LYST: variants seen among roughly 807,000 people sequenced by gnomAD.
LYST encodes the protein lysosomal trafficking regulator.
Under a neutral mutation model 413.6 loss-of-function variants are expected in LYST, and 192 were observed. That is an observed-to-expected ratio of 0.46 (90% CI 0.41 to 0.52). The LOEUF is 0.52. Among genes scored for constraint, LYST ranks in the 20% least tolerant of loss-of-function variants. LYST has a pLI of 0.00. For missense variants in LYST, 3,815 were observed against 4,499.9 expected, an observed-to-expected ratio of 0.85 and a Z score of 4.35; for synonymous variants, 1,525 against 1,567.3, an observed-to-expected ratio of 0.97 and a Z score of 0.64.
intron 44 of LYST, among the ~76,000 whole-genome samples, chr1:235,704,685 T>TC (rs1258815991): frequency 3.9e-5 from 6 of 152,176 alleles, no homozygotes; most frequent in South Asian, 4.1e-4. Context: ...GCAAATATTT[T>TC]CTCCCATTCT....
intron 10 of LYST, 56 bp downstream of exon 10, chr1:235,800,264 T>C: frequency 8.5e-7 from 1 of 1,179,728 alleles, no homozygotes; most frequent in South Asian, 1.2e-5. Flanking sequence ...GCCATTATTA[T>C]CAACTTTTCA....
In LYST at chr1:235,809,593, G is replaced by T; in HGVS notation, c.1225C>A (p.Leu409Ile). ...LLLPELLEGV[L>I]QILICCLQSA... The stretch of plus-strand genomic sequence containing the variant: ...TGAAGACAACAGATCAGAATCTGAA[G>T]AACTCCTTCCAAAAGCTCAGGTAAA... Residue 409 changes from leucine (L) to isoleucine (I), a missense_variant, in exon 5 of 53, where the codon CTT becomes ATT. Physicochemically the swap from Leu to Ile is conservative, Grantham distance 5 (BLOSUM62 2). This residue lies in a region of LYST where 1,648 missense variants were observed against 1,810.3 expected (regional missense o/e 0.91). Coordinates refer to ENST00000389793, the MANE Select transcript of LYST (RefSeq NM_000081.4). The surrounding 1 kb of genome is among the most constrained non-coding windows in gnomAD (Gnocchi z 4.0). 3 of 1,614,052 alleles carry T rather than the reference G, an allele frequency of 1.9e-6. No homozygotes were observed. The highest frequency in any genetic ancestry group is 1.3e-5 in the African/African-American group (1 of 75,030).
intron 21 of LYST, among the ~76,000 whole-genome samples, chr1:235,763,493 C>G (rs1363045844): frequency 1.3e-5 from 2 of 152,210 alleles, no homozygotes; most frequent in Non-Finnish European, 2.9e-5. Flanking sequence ...CTCTGTCGCC[C>G]AGGCTGGAGT....
At chr1:235,665,230 C>A (rs1248643078) in intron 50 of LYST, among the ~76,000 whole-genome samples, 1 of 152,066 alleles carries the variant, frequency 6.6e-6, no homozygotes, top group Non-Finnish European at 1.5e-5. Flanking sequence ...AGCATATGAA[C>A]CACCAAATAT....
chr1:235,706,550 A>ATT (rs1324559159), intron 44 of LYST, among the ~76,000 whole-genome samples: 1 of 152,158 alleles, frequency 6.6e-6, no homozygotes, highest in African/African-American at 2.4e-5. Flanking sequence ...ACTTGCATTA[A>ATT]ATAAATTTAT....
chr1:235,783,158 G>A lies in LYST; in HGVS notation c.4863-1071C>T, dbSNP rs112793742. 2.5e-3 allele frequency among the ~76,000 whole-genome samples: 374 copies of A among 152,200 alleles called. 1 individual carries two copies. The highest frequency in any genetic ancestry group is 8.5e-3 in the African/African-American group (355 of 41,542). On this transcript the variant is annotated intron_variant, in intron 14 of 52. Coordinates refer to ENST00000389793, the MANE Select transcript of LYST (RefSeq NM_000081.4). ...AAATAAAATTTGTAAGATGAAGACAGGATAAGCTAACACGGGTAGCTCTTA... is the reference window on the plus strand; with the variant it reads ...AAATAAAATTTGTAAGATGAAGACAAGATAAGCTAACACGGGTAGCTCTTA...
At chr1:235,688,379 G>T (rs1305284801) in intron 47 of LYST, among the ~76,000 whole-genome samples, 1 of 152,178 alleles carries the variant, frequency 6.6e-6, no homozygotes, top group Non-Finnish European at 1.5e-5. Context: ...CTCCCAAGAG[G>T]ATAATCTAAT....
chr1:235,722,736 G>A (rs1054079183), intron 39 of LYST, among the ~76,000 whole-genome samples: 1 of 151,980 alleles, frequency 6.6e-6, no homozygotes, highest in African/African-American at 2.4e-5. Context: ...TGCCCGCCTC[G>A]GCCTCCCAAA....
chr1:235,824,851 C>G (rs1240273462), intron 3 of LYST, among the ~76,000 whole-genome samples: 1 of 152,040 alleles, frequency 6.6e-6, no homozygotes, highest in Non-Finnish European at 1.5e-5. Flanking sequence ...GAAACCCCGT[C>G]TCTACTAAAA....
At chr1:235,778,541 A>AT (rs1486993247) in intron 16 of LYST, among the ~76,000 whole-genome samples, 1 of 151,182 alleles carries the variant, frequency 6.6e-6, no homozygotes, top group East Asian at 2.0e-4. Context: ...CGCCCAGCTA[A>AT]TTTTATATTT....
At chr1:235,697,000 A>G in intron 46 of LYST, 83 bp downstream of exon 46, 1 of 1,357,872 alleles carries the variant, frequency 7.4e-7, no homozygotes, top group Non-Finnish European at 1.0e-6. Context: ...CCAAGGACTC[A>G]AAGTAGCAGC....
chr1:235,730,912 A>G lies in LYST; in HGVS notation c.8979T>C (p.Phe2993=). The change falls in exon 36 of 53, where the codon TTT becomes TTC. Residue 2993 remains phenylalanine (F), a synonymous_variant. Coordinates refer to ENST00000389793, the MANE Select transcript of LYST (RefSeq NM_000081.4). ...AGAAAGAAGAATGAGTTTTGTCTTC[A>G]AACAGGTAAGAGAGTGGTGGTTTGA... is the stretch of plus-strand genomic sequence containing the variant. ...DVVKPPLSYL[F]EDKTHSSFSS... is the part of the protein sequence containing the mutation. 6.2e-7 allele frequency: 1 copy of G among 1,613,746 alleles called. No individual in the cohort carries two copies. Among genetic ancestry groups the G allele is most frequent in the Non-Finnish European group, 8.5e-7 (1 of 1,179,686 alleles).
intron 1 of LYST, among the ~76,000 whole-genome samples, chr1:235,853,294 G>GGAGGGTTAAGAAT (rs1678764577): frequency 6.6e-6 from 1 of 152,104 alleles, no homozygotes; most frequent in African/African-American, 2.4e-5. Flanking sequence ...TTTCAGCATC[G>GGAGGGTTAAGAAT]GAGGGTTAAG....
upstream of LYST, among the ~76,000 whole-genome samples, chr1:235,867,600 A>G (rs1410604392): frequency 6.6e-6 from 1 of 152,178 alleles, no homozygotes; most frequent in African/African-American, 2.4e-5. Flanking sequence ...ATATGCCCTA[A>G]TAGACCAGTC....
intron 25 of LYST, among the ~76,000 whole-genome samples, chr1:235,754,010 G>C (rs1378767669): frequency 1.3e-5 from 2 of 151,882 alleles, no homozygotes; most frequent in Non-Finnish European, 2.9e-5. Flanking sequence ...TTTTGGTTTG[G>C]GAGAAAAATA....
At position 235,731,158 on chromosome 1, in the gene LYST, T is replaced by C. The variant is rs749967768; in HGVS notation, c.8821A>G (p.Ile2941Val). The change falls in exon 35 of 53, where the codon ATC becomes GTC. Residue 2941 changes from isoleucine (I) to valine (V), a missense_variant. Around this residue, in one of 4 missense-constraint regions of LYST, gnomAD observed 866 missense variants for 1,156.0 expected, o/e 0.75. Coordinates refer to ENST00000389793, the MANE Select transcript of LYST (RefSeq NM_000081.4). ...AACTGCCATGAGGTTGGATAGTAGA[T>C]GGGGTCATACCATACTGCTCTGCAA... ...THDRAVWYDP[I>V]YYPTSWQLDP... The C allele has an allele frequency of 1.9e-6, 3 of 1,614,060 alleles. No homozygotes were observed. Among genetic ancestry groups the C allele is most frequent in the Non-Finnish European group, 2.5e-6 (3 of 1,179,974 alleles).
At chr1:235,720,203 G>T (rs564302387) in intron 40 of LYST, among the ~76,000 whole-genome samples, 94 of 104,394 alleles carry the variant, frequency 9.0e-4, no homozygotes, top group African/African-American at 3.5e-3. Context: ...AAAAAAAAAA[G>T]GCTATTCTAG....
At chr1:235,882,696 A>G (rs956569235) in intron 1 of LYST, among the ~76,000 whole-genome samples, 1 of 152,140 alleles carries the variant, frequency 6.6e-6, no homozygotes, top group Non-Finnish European at 1.5e-5. Flanking sequence ...CAGAAATATA[A>G]CAGAGGCTGA....
intron 17 of LYST, among the ~76,000 whole-genome samples, chr1:235,776,541 G>C (rs1283699042): frequency 6.6e-6 from 1 of 152,096 alleles, no homozygotes; most frequent in Non-Finnish European, 1.5e-5. Context: ...ATAGGTTTCA[G>C]CAATCCCTGA....
Sources: gnomAD v4.1 joint callset for allele counts (sites outside exome capture counted in the v4.1 genomes callset) on GRCh38, gnomAD v4.1.1 for gene constraint, gnomAD v4.1.1 regional missense constraint, Gnocchi (gnomAD v3.1) non-coding constraint, MANE v1.5 for transcripts, NCBI Gene and HGNC (gene_info 2026-07-23, HGNC 2026-07-21) for gene names.